The following MAP4K5 variants were observed in gnomAD, a reference collection of about 807,000 sequenced individuals.
MAP4K5 encodes the protein mitogen-activated protein kinase kinase kinase kinase 5, also known as MAPK/ERK kinase kinase kinase 5.
In MAP4K5, 82 loss-of-function variants were observed where a neutral mutation model predicts 135.6. The observed-to-expected ratio is 0.60, with a 90% CI of 0.51 to 0.73. The LOEUF (loss-of-function observed/expected upper bound fraction) is 0.73. MAP4K5 is among the 30% of genes least tolerant of loss of function. MAP4K5 has a pLI of 0.00. For synonymous variants in MAP4K5, 347 were observed against 335.0 expected (o/e 1.04, Z -0.39); for missense variants, 907 against 1,010.9 (o/e 0.90, Z 1.39).
chr14:50,508,380 T>G (rs143370211), intron 2 of MAP4K5, among the ~76,000 whole-genome samples: 2,258 of 152,254 alleles, frequency 0.015, 48 homozygotes, highest in African/African-American at 0.051. Flanking sequence ...TGGAATACCA[T>G]GCAGCCATAA....
At chr14:50,535,430 TCTC>T (rs563532919), upstream of MAP4K5, among the ~76,000 whole-genome samples, 208 of 152,374 alleles carry the variant, frequency 1.4e-3, 1 homozygote, top group Non-Finnish European at 2.4e-3. Flanking sequence ...AATCTGGTAA[TCTC>T]CTGATTAATC....
At chr14:50,456,642 A>C in intron 13 of MAP4K5, 48 bp from the exon 14 acceptor site, 1 of 1,207,848 alleles carries the variant, frequency 8.3e-7, no homozygotes, top group South Asian at 1.5e-5. Context: ...TTCAATGAGA[A>C]AGTTAAAAGG....
At chr14:50,446,249 T>C in intron 16 of MAP4K5, 128 bp from the exon 17 acceptor site, 1 of 559,478 alleles carries the variant, frequency 1.8e-6, no homozygotes, top group Non-Finnish European at 3.1e-6. Context: ...CGATGCAGAG[T>C]ATAAAATCTT....
Position 50,498,355 on chromosome 14 carries a change from A to G in MAP4K5, c.166+6445T>C, listed in dbSNP as rs184885463. On this transcript the variant is annotated intron_variant, in intron 3 of 32. Coordinates refer to ENST00000682126, the MANE Select transcript of MAP4K5 (RefSeq NM_006575.6). ...AAGGTGGTGACTTTAGTAAGTATCT[A>G]CTATAAAAATGAGATAGAAATGGTT... Among the ~76,000 whole-genome samples, 62 of 152,340 alleles carry G rather than the reference A, an allele frequency of 4.1e-4. 1 individual carries two copies. Among genetic ancestry groups the G allele is most frequent in the Non-Finnish European group, 2.9e-5 (2 of 68,020 alleles).
At chr14:50,529,067 T>C (rs1205531225) in intron 2 of MAP4K5, among the ~76,000 whole-genome samples, 1 of 152,058 alleles carries the variant, frequency 6.6e-6, no homozygotes, top group Non-Finnish European at 1.5e-5. Flanking sequence ...GTAATAAAAA[T>C]ACACACGCAG....
At chr14:50,431,413 C>T (rs1045797455) in intron 28 of MAP4K5, among the ~76,000 whole-genome samples, 9 of 152,182 alleles carry the variant, frequency 5.9e-5, no homozygotes, top group Admixed American at 6.5e-5. Context: ...TTCCCCCACC[C>T]CACAACAGTC....
chr14:50,532,112 A>G lies in MAP4K5; in HGVS notation c.-63T>C. On this transcript the variant is annotated 5_prime_UTR_variant, in exon 2 of 33. Coordinates refer to ENST00000682126, the MANE Select transcript of MAP4K5 (RefSeq NM_006575.6). Reference sequence around the variant, plus strand: ...GGCTCCCGGATTCCCGCTAACAAGCACGAACGGCGCCGCTTCCCAACATGG... The same window carrying G: ...GGCTCCCGGATTCCCGCTAACAAGCGCGAACGGCGCCGCTTCCCAACATGG... 2 of 1,036,658 alleles carry G rather than the reference A, an allele frequency of 1.9e-6. No homozygotes were observed. Among genetic ancestry groups the G allele is most frequent in the African/African-American group, 1.6e-5 (1 of 62,770 alleles). 64.2% of individuals were successfully genotyped at this position (1,036,658 alleles called of 1,614,324 possible).
intron 2 of MAP4K5, among the ~76,000 whole-genome samples, chr14:50,517,770 C>T (rs1294628985): frequency 2.0e-5 from 3 of 151,930 alleles, no homozygotes; most frequent in Middle Eastern, 3.4e-3. Flanking sequence ...AGTGAAACTC[C>T]GTCTCAAAAA....
intron 4 of MAP4K5, chr14:50,485,872 T>C (rs1384465916): frequency 9.3e-6 from 5 of 538,946 alleles, no homozygotes; most frequent in Non-Finnish European, 1.6e-5. Flanking sequence ...CACTTACTTG[T>C]AATCACTTAT....
At chr14:50,426,039 T>G (rs2139628613) in intron 30 of MAP4K5, 62 bp from the exon 31 acceptor site, 2 of 1,061,112 alleles carry the variant, frequency 1.9e-6, no homozygotes, top group East Asian at 5.1e-5. Flanking sequence ...CTATAAATTT[T>G]CTCTACTTTT....
intron 2 of MAP4K5, among the ~76,000 whole-genome samples, chr14:50,505,748 T>G (rs2140022064): frequency 6.6e-6 from 1 of 152,310 alleles, no homozygotes; most frequent in South Asian, 2.1e-4. Context: ...ACCTTGGATG[T>G]TAAAACCATG....
At chr14:50,483,909 G>A (rs1042673112) in intron 5 of MAP4K5, among the ~76,000 whole-genome samples, 2 of 151,732 alleles carry the variant, frequency 1.3e-5, no homozygotes, top group African/African-American at 4.8e-5. Context: ...CGCCCAGGCT[G>A]GAGTGCACTG....
chr14:50,558,539 A>C (rs2038793102), intron 1 of MAP4K5, among the ~76,000 whole-genome samples: 1 of 152,244 alleles, frequency 6.6e-6, no homozygotes, highest in African/African-American at 2.4e-5. Context: ...TGATTCACAC[A>C]GTCTCAAAGT....
At chr14:50,560,175 C>G in intron 1 of MAP4K5, 1 of 1,507,970 alleles carries the variant, frequency 6.6e-7, no homozygotes, top group Non-Finnish European at 9.1e-7. Context: ...CCAGCGCGGG[C>G]ACGGAGCCTC....
intron 5 of MAP4K5, chr14:50,483,283 A>G (rs958669925): frequency 1.3e-5 from 2 of 152,144 alleles, no homozygotes; most frequent in African/African-American, 4.8e-5. Flanking sequence ...ATCTCTCCCT[A>G]ATATGAAATA....
chr14:50,473,341 A>G lies in MAP4K5; in HGVS notation c.542+1736T>C, dbSNP rs188450724. Among the ~76,000 whole-genome samples, 556 of 152,212 alleles carry G rather than the reference A, an allele frequency of 3.7e-3. 3 individuals carry two copies. Among genetic ancestry groups the G allele is most frequent in the Non-Finnish European group, 5.9e-3 (402 of 67,996 alleles). ...AAAGTATTCTCTTTTGGCACAAATA[A>G]GTCTATGCCATTGTTTTTGCTAATA... On this transcript the variant is annotated intron_variant, in intron 9 of 32. Transcript: ENST00000682126.
At chr14:50,467,113 C>T (rs535008214) in intron 10 of MAP4K5, among the ~76,000 whole-genome samples, 1 of 152,082 alleles carries the variant, frequency 6.6e-6, no homozygotes, top group Admixed American at 6.5e-5. Flanking sequence ...CAATGATTTC[C>T]CATATTCTCT....
At chr14:50,476,632 TG>T in intron 6 of MAP4K5, among the ~76,000 whole-genome samples, 1 of 152,202 alleles carries the variant, frequency 6.6e-6, no homozygotes, top group South Asian at 2.1e-4. Context: ...AGCTAATTTT[TG>T]TATTTTTTAG....
At chr14:50,531,889 C>CA in intron 2 of MAP4K5, 53 bp downstream of exon 2, 5 of 1,250,606 alleles carry the variant, frequency 4.0e-6, no homozygotes, top group Non-Finnish European at 5.7e-6. Context: ...AAAGTGGCCC[C>CA]ATTCCCGGGA....
Sources: allele counts gnomAD v4.1 joint callset (sites outside exome capture counted in the v4.1 genomes callset), GRCh38; gene constraint gnomAD v4.1.1; transcripts MANE v1.5; gene names NCBI Gene and HGNC (gene_info 2026-07-23, HGNC 2026-07-21).